Variants in AMBRA1 observed in about 807,000 individuals in gnomAD.
The protein encoded by AMBRA1 is autophagy and beclin 1 regulator 1, also known as activating molecule in BECN1-regulated autophagy protein 1.
In AMBRA1, 47 loss-of-function variants were observed where a neutral mutation model predicts 125.4. The observed-to-expected ratio is 0.37, with a 90% confidence interval of 0.30 to 0.48. The LOEUF is 0.48. Ranked by LOEUF, AMBRA1 falls within the 20% of genes least tolerant of loss-of-function variation. The pLI, the probability that AMBRA1 is intolerant of heterozygous loss-of-function variation, is 0.99. For synonymous variants in AMBRA1, 626 were observed against 655.5 expected (o/e 0.95, Z 0.69); for missense variants, 1,331 against 1,693.4 (o/e 0.79, Z 3.76).
chr11:46,514,358 T>C (rs773208175), intron 7 of AMBRA1, among the ~76,000 whole-genome samples: 5 of 152,184 alleles, frequency 3.3e-5, no homozygotes, highest in African/African-American at 4.8e-5. Flanking sequence ...GACAACCAAC[T>C]ATCAAGTAAT....
At chr11:46,430,961 T>C (rs1358227041) in intron 14 of AMBRA1, among the ~76,000 whole-genome samples, 1 of 152,212 alleles carries the variant, frequency 6.6e-6, no homozygotes, top group Non-Finnish European at 1.5e-5. Flanking sequence ...AAAATTCACT[T>C]CTTGCCTTAA....
At chr11:46,446,265 T>C (rs907041955) in intron 11 of AMBRA1, among the ~76,000 whole-genome samples, 19 of 152,134 alleles carry the variant, frequency 1.2e-4, no homozygotes, top group African/African-American at 4.1e-4. Flanking sequence ...TGTTACCAGG[T>C]TCTTTTCTTC....
At chr11:46,501,728 C>A (rs1201337018) in intron 9 of AMBRA1, among the ~76,000 whole-genome samples, 1 of 152,114 alleles carries the variant, frequency 6.6e-6, no homozygotes, top group East Asian at 1.9e-4. Context: ...TTTTATTAAT[C>A]TTTTAGATGT....
intron 17 of AMBRA1, among the ~76,000 whole-genome samples, chr11:46,399,430 A>C (rs191443934): frequency 8.0e-4 from 117 of 145,984 alleles, no homozygotes; most frequent in Non-Finnish European, 1.3e-3. Flanking sequence ...GCAGTGGCAC[A>C]ATCTTGGCTC....
At chr11:46,446,043 C>T (rs1003741667) in intron 11 of AMBRA1, among the ~76,000 whole-genome samples, 1 of 152,136 alleles carries the variant, frequency 6.6e-6, no homozygotes, top group Non-Finnish European at 1.5e-5. Context: ...CCTGTACTGT[C>T]CATGTCTCAA....
intron 1 of AMBRA1, among the ~76,000 whole-genome samples, chr11:46,572,934 A>T (rs2043815803): frequency 6.6e-6 from 1 of 151,426 alleles, no homozygotes; most frequent in Non-Finnish European, 1.5e-5. Context: ...TACTAAAAAT[A>T]AAAAAAATTA....
chr11:46,464,383 A>G (rs1247578560), intron 11 of AMBRA1, among the ~76,000 whole-genome samples: 3 of 152,152 alleles, frequency 2.0e-5, no homozygotes, highest in African/African-American at 7.2e-5. Flanking sequence ...CAGTTGCTGC[A>G]TTTCCCTGGA....
intron 11 of AMBRA1, among the ~76,000 whole-genome samples, chr11:46,467,887 T>C (rs1301826263): frequency 1.3e-5 from 2 of 152,120 alleles, no homozygotes; most frequent in African/African-American, 4.8e-5. Flanking sequence ...CATTCTTTCA[T>C]GTTTACCAGA....
chr11:46,513,787 T>G (rs898605914), intron 7 of AMBRA1, among the ~76,000 whole-genome samples: 1 of 152,176 alleles, frequency 6.6e-6, no homozygotes, highest in Non-Finnish European at 1.5e-5. Flanking sequence ...AGCTAGAATA[T>G]AGGCTCAGTA....
intron 12 of AMBRA1, among the ~76,000 whole-genome samples, chr11:46,439,273 C>T (rs964313443): frequency 6.6e-6 from 1 of 152,064 alleles, no homozygotes; most frequent in African/African-American, 2.4e-5. Context: ...GACCCTGTGT[C>T]TAAAAATAAT....
intron 7 of AMBRA1, among the ~76,000 whole-genome samples, chr11:46,540,611 C>T (rs1952690303): frequency 6.6e-6 from 1 of 152,170 alleles, no homozygotes; most frequent in Admixed American, 6.5e-5. Context: ...CTACACATAC[C>T]ATACCCTTTC....
intron 7 of AMBRA1, among the ~76,000 whole-genome samples, chr11:46,529,581 T>C (rs921193544): frequency 2.0e-5 from 3 of 152,164 alleles, no homozygotes; most frequent in East Asian, 3.8e-4. Flanking sequence ...GTACACAAAA[T>C]TGGATTTAAG....
intron 9 of AMBRA1, among the ~76,000 whole-genome samples, chr11:46,503,092 A>G (rs141724027): frequency 1.3e-5 from 2 of 149,218 alleles, no homozygotes; most frequent in East Asian, 3.9e-4. Flanking sequence ...AAAAAAATGA[A>G]TTTTTGCTTT....
intron 1 of AMBRA1, among the ~76,000 whole-genome samples, chr11:46,558,851 G>A (rs1277777318): frequency 6.6e-6 from 1 of 152,142 alleles, no homozygotes; most frequent in Non-Finnish European, 1.5e-5. Context: ...TAGCGTAGAA[G>A]AGCATGAGTA....
At chr11:46,454,211 T>C (rs1472097231) in intron 11 of AMBRA1, among the ~76,000 whole-genome samples, 1 of 151,886 alleles carries the variant, frequency 6.6e-6, no homozygotes, top group Non-Finnish European at 1.5e-5. Flanking sequence ...TTTTAATTTT[T>C]AGAGACGGGG....
intron 10 of AMBRA1, 82 bp downstream of exon 10, chr11:46,494,042 T>A: frequency 7.3e-7 from 1 of 1,364,240 alleles, no homozygotes. Context: ...ATGTGGACAA[T>A]TCAAAGACCA....
At chr11:46,483,946 T>C (rs1950170758) in intron 11 of AMBRA1, among the ~76,000 whole-genome samples, 1 of 152,158 alleles carries the variant, frequency 6.6e-6, no homozygotes, top group South Asian at 2.1e-4. Flanking sequence ...CATGGGTTAT[T>C]AACTTCCAGC....
chr11:46,513,401 A>G (rs528146148), intron 7 of AMBRA1, among the ~76,000 whole-genome samples: 1 of 152,132 alleles, frequency 6.6e-6, no homozygotes, highest in East Asian at 1.9e-4. Flanking sequence ...ATCTAGCCCA[A>G]TAACAAACTC....
At chr11:46,531,886 G>A (rs2135131852) in intron 7 of AMBRA1, among the ~76,000 whole-genome samples, 1 of 152,284 alleles carries the variant, frequency 6.6e-6, no homozygotes, top group South Asian at 2.1e-4. Flanking sequence ...GGGAGGCCAA[G>A]GGCAGCGGAT....
Sources: gnomAD v4.1 joint callset for allele counts (sites outside exome capture counted in the v4.1 genomes callset) on GRCh38, gnomAD v4.1.1 for gene constraint, MANE v1.5 for transcripts, NCBI Gene and HGNC (gene_info 2026-07-23, HGNC 2026-07-21) for gene names.